MYLK4: variants seen among roughly 807,000 people sequenced by gnomAD.
MYLK4 encodes the protein myosin light chain kinase family member 4, also known as caMLCK like.
A neutral mutation model predicts 48.1 loss-of-function variants in MYLK4; 46 were observed. The ratio of observed to expected loss-of-function variants is 0.96; its 90% CI spans 0.75 to 1.22. MYLK4 has a LOEUF of 1.22. Among genes scored for constraint, MYLK4 ranks in the 50% most tolerant of loss-of-function variants. MYLK4 has a pLI of 0.00. For missense variants in MYLK4, 451 were observed against 486.1 expected (o/e 0.93, Z 0.68); for synonymous variants, 170 against 180.8 (o/e 0.94, Z 0.48).
chr6:2,701,239 G>A (rs1227748759), intron 2 of MYLK4, among the ~76,000 whole-genome samples: 1 of 152,060 alleles, frequency 6.6e-6, no homozygotes, highest in African/African-American at 2.4e-5. Flanking sequence ...CATTTCACAT[G>A]GGGTTCTCGG....
chr6:2,670,498 A>G (rs1290132161), intron 12 of MYLK4, among the ~76,000 whole-genome samples: 1 of 152,186 alleles, frequency 6.6e-6, no homozygotes, highest in Non-Finnish European at 1.5e-5. Flanking sequence ...TAGGGAGCTG[A>G]CTTGCTGCAG....
rs564121808 is a variant in MYLK4 at position 2,688,946 on chromosome 6, C to T, written c.246G>A (p.Pro82=). 33 of 1,614,082 alleles carry T rather than the reference C, an allele frequency of 2.0e-5. No individual in the cohort carries two copies. The highest frequency in any genetic ancestry group is 1.6e-4 in the African/African-American group (12 of 75,036). The part of the protein sequence containing the change: ...KRTSALAVDI[P]APPAPFDHRI... ...GATGATCAAATGGGGCCGGAGGAGCCGGGATGTCAACTAGAAGGTGAGAGA... is the reference window on the plus strand; with the variant it reads ...GATGATCAAATGGGGCCGGAGGAGCTGGGATGTCAACTAGAAGGTGAGAGA... The change falls in exon 4 of 13, where the codon CCG becomes CCA. Residue 82 remains proline (P), a synonymous_variant. Coordinates refer to ENST00000274643, the MANE Select transcript of MYLK4 (RefSeq NM_001012418.5).
At chr6:2,737,244 C>A (rs909632983) in intron 2 of MYLK4, among the ~76,000 whole-genome samples, 3 of 152,204 alleles carry the variant, frequency 2.0e-5, no homozygotes, top group Non-Finnish European at 4.4e-5. Context: ...ACCCGGGAGG[C>A]GGAGGTTGCA....
intron 2 of MYLK4, among the ~76,000 whole-genome samples, chr6:2,694,512 G>GTAATGATGGTGGTGA (rs1561845882): frequency 3.2e-5 from 1 of 31,576 alleles, no homozygotes; most frequent in Admixed American, 3.2e-4. Context: ...GGTGGTGGTG[G>GTAATGATGGTGGTGA]CGGTGGTGGT....
At chr6:2,671,649 G>A (rs111469986) in intron 11 of MYLK4, among the ~76,000 whole-genome samples, 4 of 152,186 alleles carry the variant, frequency 2.6e-5, no homozygotes, top group Non-Finnish European at 5.9e-5. Context: ...ACTCACGCGT[G>A]TATAGCACAA....
intron 4 of MYLK4, among the ~76,000 whole-genome samples, chr6:2,686,214 C>T (rs1478906337): frequency 1.3e-5 from 2 of 152,164 alleles, no homozygotes; most frequent in South Asian, 2.1e-4. Flanking sequence ...TCATATGCAC[C>T]CTCACATTTG....
chr6:2,766,234 C>CG, the MYLK4 span: 5 of 1,466,582 alleles, frequency 3.4e-6, 1 homozygote, highest in South Asian at 4.3e-5. Flanking sequence ...GGGCCAGTGG[C>CG]GGGGGCCGCC....
At chr6:2,723,879 T>G (rs1049621342) in intron 2 of MYLK4, among the ~76,000 whole-genome samples, 1 of 152,036 alleles carries the variant, frequency 6.6e-6, no homozygotes, top group African/African-American at 2.4e-5. Context: ...TTTATTTTAT[T>G]TTATTTTTTA....
chr6:2,690,583 G>A (rs901050114), intron 3 of MYLK4, among the ~76,000 whole-genome samples: 1 of 152,052 alleles, frequency 6.6e-6, no homozygotes, highest in Non-Finnish European at 1.5e-5. Context: ...TGACCATTTC[G>A]GGGCTTGGGG....
chr6:2,715,858 C>T (rs766216347), intron 2 of MYLK4, among the ~76,000 whole-genome samples: 3 of 152,206 alleles, frequency 2.0e-5, no homozygotes, highest in Non-Finnish European at 4.4e-5. Flanking sequence ...ACTCAGAACA[C>T]GTGTGAAACT....
chr6:2,680,941 G>A (rs937490707), intron 7 of MYLK4, among the ~76,000 whole-genome samples: 1 of 152,140 alleles, frequency 6.6e-6, no homozygotes, highest in South Asian at 2.1e-4. Context: ...ACCTTAGCCT[G>A]CTGACCTGAC....
intron 4 of MYLK4, among the ~76,000 whole-genome samples, chr6:2,687,238 T>C (rs1184205990): frequency 6.6e-6 from 1 of 152,240 alleles, no homozygotes; most frequent in Non-Finnish European, 1.5e-5. Flanking sequence ...TTGAACCTGC[T>C]ACCACTTAAA....
chr6:2,707,614 C>T (rs988907953), intron 2 of MYLK4, among the ~76,000 whole-genome samples: 1 of 152,164 alleles, frequency 6.6e-6, no homozygotes, highest in African/African-American at 2.4e-5. Context: ...CAGGTAGATG[C>T]TATAAAAAGT....
At chr6:2,747,438 C>T (rs1396274270) in intron 2 of MYLK4, among the ~76,000 whole-genome samples, 1 of 152,066 alleles carries the variant, frequency 6.6e-6, no homozygotes, top group Non-Finnish European at 1.5e-5. Context: ...CTTGAACTCC[C>T]GGGCTCAAGC....
At chr6:2,765,940 G>A in the MYLK4 span, 1 of 1,443,900 alleles carries the variant, frequency 6.9e-7, no homozygotes, top group Non-Finnish European at 9.1e-7. Context: ...GCGAGACCGA[G>A]AGCCGCGAGA....
At chr6:2,727,004 G>A (rs1300789304) in intron 2 of MYLK4, among the ~76,000 whole-genome samples, 1 of 152,186 alleles carries the variant, frequency 6.6e-6, no homozygotes, top group Non-Finnish European at 1.5e-5. Flanking sequence ...CAGCGGGAGA[G>A]ATCAGTTTTG....
At chr6:2,761,401 T>C in the MYLK4 span, among the ~76,000 whole-genome samples, 4 of 152,204 alleles carry the variant, frequency 2.6e-5, no homozygotes, top group African/African-American at 9.7e-5. Flanking sequence ...AGTTTAAATT[T>C]GATTGGCAAA....
At chr6:2,678,908 T>C (rs1361413823) in intron 9 of MYLK4, among the ~76,000 whole-genome samples, 1 of 152,128 alleles carries the variant, frequency 6.6e-6, no homozygotes, top group Admixed American at 6.6e-5. Context: ...TTCACCATGT[T>C]GGCCAGGATG....
At chr6:2,679,526 A>T (rs1761215898) in intron 8 of MYLK4, 118 bp from the exon 9 acceptor site, 1 of 1,274,154 alleles carries the variant, frequency 7.8e-7, no homozygotes, top group East Asian at 2.3e-5. Context: ...TCAGACAAAC[A>T]AACATTGAAG....
Sources: gnomAD v4.1 joint callset for allele counts (sites outside exome capture counted in the v4.1 genomes callset) on GRCh38, gnomAD v4.1.1 for gene constraint, MANE v1.5 for transcripts, NCBI Gene and HGNC (gene_info 2026-07-23, HGNC 2026-07-21) for gene names.